The following SAMSN1 variants were observed in gnomAD, a reference collection of about 807,000 sequenced individuals.
SAMSN1 encodes the protein SAM domain-containing protein SAMSN-1.
A neutral mutation model predicts 42.0 loss-of-function variants in SAMSN1; 31 were observed. The ratio of observed to expected loss-of-function variants is 0.74; its 90% CI spans 0.55 to 1.00. The LOEUF is 1.00. SAMSN1 is among the 50% of genes least tolerant of loss of function. The pLI, the probability that SAMSN1 is intolerant of heterozygous loss-of-function variation, is 0.00. For missense variants in SAMSN1, 464 were observed against 439.4 expected (o/e 1.06, Z -0.50); for synonymous variants, 178 against 151.9 (o/e 1.17, Z -1.26).
At chr21:14,588,557 A>G (rs943265020) in intron 7 of SAMSN1, among the ~76,000 whole-genome samples, 5 of 152,030 alleles carry the variant, frequency 3.3e-5, no homozygotes, top group South Asian at 2.1e-4. Context: ...TTTGAGAAGT[A>G]TCTGTTCATG....
upstream of SAMSN1, among the ~76,000 whole-genome samples, chr21:14,547,426 GA>G (rs1167801498): frequency 1.3e-5 from 2 of 152,042 alleles, no homozygotes; most frequent in Non-Finnish European, 2.9e-5. Flanking sequence ...TTATGATAAT[GA>G]AAAAAGCAAA....
chr21:14,507,388 T>C (rs1260851170), intron 5 of SAMSN1, among the ~76,000 whole-genome samples: 1 of 152,216 alleles, frequency 6.6e-6, no homozygotes, highest in Non-Finnish European at 1.5e-5. Context: ...AGCTCTTTTA[T>C]ACACTAACAG....
At chr21:14,494,253 A>G (rs1986815581) in intron 7 of SAMSN1, among the ~76,000 whole-genome samples, 1 of 152,198 alleles carries the variant, frequency 6.6e-6, no homozygotes, top group Non-Finnish European at 1.5e-5. Context: ...ATAAAGACAC[A>G]TGCACACATA....
At chr21:14,490,901 G>A (rs1477964026) in intron 7 of SAMSN1, among the ~76,000 whole-genome samples, 1 of 152,136 alleles carries the variant, frequency 6.6e-6, no homozygotes, top group Non-Finnish European at 1.5e-5. Flanking sequence ...CAGAGGCAGA[G>A]GCATACTCAC....
At chr21:14,582,324 C>T (rs1294651069) in exon 2 of SAMSN1, 2 of 1,550,540 alleles carry the variant, frequency 1.3e-6, no homozygotes, top group Admixed American at 3.9e-5. Flanking sequence ...GCTAATTTAT[C>T]TTCCAAGTTG....
intron 2 of SAMSN1, chr21:14,616,045 AAAAT>A (rs1259858419): frequency 3.5e-6 from 2 of 574,618 alleles, no homozygotes; most frequent in African/African-American, 3.8e-5. Flanking sequence ...TGAATAAAAT[AAAAT>A]AAATAACATA....
intron 7 of SAMSN1, among the ~76,000 whole-genome samples, chr21:14,589,599 CATTT>C (rs1253183242): frequency 4.6e-5 from 7 of 152,006 alleles, no homozygotes; most frequent in African/African-American, 1.7e-4. Flanking sequence ...GCTGGAAAGG[CATTT>C]AAAGCTTTTA....
At chr21:14,638,827 T>G (rs1343972469) in intron 2 of SAMSN1, among the ~76,000 whole-genome samples, 1 of 152,228 alleles carries the variant, frequency 6.6e-6, no homozygotes, top group African/African-American at 2.4e-5. Context: ...CAAGGTCATA[T>G]AGCTTCTAAG....
chr21:14,503,228 G>A (rs1170905922), intron 5 of SAMSN1, among the ~76,000 whole-genome samples: 1 of 152,046 alleles, frequency 6.6e-6, no homozygotes, highest in African/African-American at 2.4e-5. Flanking sequence ...AATCAGGTAG[G>A]ATCCCTTAAA....
In SAMSN1 at chr21:14,511,689, C is replaced by T. The variant is rs139817808; in HGVS notation, c.409+755G>A. 4.1e-4 allele frequency among the ~76,000 whole-genome samples: 63 copies of T among 152,250 alleles called. No individual in the cohort carries two copies. The East Asian group carries it at 0.011, about 27-fold the overall frequency. On this transcript the variant is annotated intron_variant, in intron 4 of 7. Coordinates refer to ENST00000400566, the MANE Select transcript of SAMSN1 (RefSeq NM_022136.5). The stretch of plus-strand genomic sequence containing the variant: ...GATTAGAGAGATGTATAACAGTCTA[C>T]ATACAAAAAGTCATAAGGCACCCTG...
rs576724067 is a variant in SAMSN1 at position 14,576,391 on chromosome 21, A to G, written c.261+5745T>C. 1.1e-3 allele frequency among the ~76,000 whole-genome samples: 166 copies of G among 152,288 alleles called. 1 individual carries two copies. The highest frequency in any genetic ancestry group is 3.7e-3 in the African/African-American group (152 of 41,556). ...GACAAAATGGAGGACAGGCACAGAC[A>G]GCTTATCCCGGTTAAGCTGTCTGTC... On this transcript the variant is annotated intron_variant, in intron 2 of 8. Transcript: ENST00000285670.
intron 2 of SAMSN1, among the ~76,000 whole-genome samples, chr21:14,632,057 C>A (rs1021027802): frequency 9.9e-5 from 15 of 152,194 alleles, no homozygotes; most frequent in Middle Eastern, 3.2e-3. Flanking sequence ...TAACTTAAGA[C>A]ACTGATACAA....
chr21:14,583,331 G>A, exon 1 of SAMSN1: 1 of 228,318 alleles, frequency 4.4e-6, no homozygotes, highest in Non-Finnish European at 8.6e-6. Context: ...AATTTGTTAT[G>A]CTTACATCAA....
chr21:14,619,145 T>A (rs183734913), intron 2 of SAMSN1, among the ~76,000 whole-genome samples: 1 of 152,346 alleles, frequency 6.6e-6, no homozygotes, highest in Non-Finnish European at 1.5e-5. Flanking sequence ...ATTGTAGATA[T>A]CAAATATATT....
chr21:14,564,421 A>G (rs1981045521), intron 2 of SAMSN1, among the ~76,000 whole-genome samples: 1 of 152,194 alleles, frequency 6.6e-6, no homozygotes, highest in Non-Finnish European at 1.5e-5. Flanking sequence ...CCTCTTAACA[A>G]CAGTATCAAG....
At position 14,506,409 on chromosome 21, in the gene SAMSN1, C is replaced by T. The variant is rs774479160; in HGVS notation, c.561+3901G>A. ...TACAAAAGATCATTCAAGGCCACTA[C>T]GAACACCTTTGCATGCATAAACTAG... On this transcript the variant is annotated intron_variant, in intron 5 of 7. Transcript: ENST00000400566. Among the ~76,000 whole-genome samples the T allele has an allele frequency of 7.9e-5, 12 of 152,004 alleles. No individual in the cohort carries two copies. The East Asian group carries it at 1.5e-3, about 19-fold the overall frequency.
intron 7 of SAMSN1, among the ~76,000 whole-genome samples, chr21:14,493,245 A>G (rs1245417081): frequency 6.6e-6 from 1 of 152,186 alleles, no homozygotes; most frequent in Non-Finnish European, 1.5e-5. Flanking sequence ...TGGCACTGCA[A>G]CCAGAGTTTG....
intron 5 of SAMSN1, among the ~76,000 whole-genome samples, chr21:14,509,910 C>G (rs944820755): frequency 6.6e-6 from 1 of 152,098 alleles, no homozygotes; most frequent in African/African-American, 2.4e-5. Context: ...GAGGCCGAGG[C>G]GGGCGGATCA....
intron 2 of SAMSN1, among the ~76,000 whole-genome samples, chr21:14,560,001 C>T (rs1281789222): frequency 6.6e-6 from 1 of 152,018 alleles, no homozygotes; most frequent in African/African-American, 2.4e-5. Flanking sequence ...GTCAGGTGTC[C>T]AAAGACGGAA....
Sources: gnomAD v4.1 joint callset for allele counts (sites outside exome capture counted in the v4.1 genomes callset) on GRCh38, gnomAD v4.1.1 for gene constraint, MANE v1.5 for transcripts, NCBI Gene and HGNC (gene_info 2026-07-23, HGNC 2026-07-21) for gene names.